EVPL: variants seen among roughly 807,000 people sequenced by gnomAD.
EVPL encodes the protein envoplakin, also known as 210 kDa cornified envelope precursor protein.
EVPL carries 94 observed loss-of-function variants against 129.7 expected under a neutral mutation model. The ratio of observed to expected loss-of-function variants is 0.72; its 90% CI spans 0.61 to 0.86. The LOEUF (loss-of-function observed/expected upper bound fraction) is 0.86, where lower values mean the gene tolerates loss of function less well. Ranked by LOEUF, EVPL falls within the 40% of genes least tolerant of loss-of-function variation. EVPL has a pLI of 0.00. For synonymous variants in EVPL, 1,172 were observed against 1,191.1 expected (o/e 0.98, Z 0.33); for missense variants, 2,625 against 2,721.1 (o/e 0.96, Z 0.79).
In EVPL at chr17:76,015,583, C is replaced by T. The variant is rs777610303; in HGVS notation, c.1756G>A (p.Ala586Thr). Reference sequence around the variant, plus strand: ...AGAAACGCCTCGCACTCCTTCTGGGCTGTCTCCTTCTCCGTTCCCAGGCTC... The same window carrying T: ...AGAAACGCCTCGCACTCCTTCTGGGTTGTCTCCTTCTCCGTTCCCAGGCTC... ...LQSLGTEKET[A>T]QKECEAFLST... Residue 586 changes from alanine to threonine, a missense_variant, in exon 15 of 22, where the codon GCC (alanine) becomes ACC (threonine). Around this residue, in one of 4 missense-constraint regions of EVPL, gnomAD observed 1,024 missense variants for 997.5 expected, o/e 1.03. Coordinates refer to ENST00000301607, the MANE Select transcript of EVPL (RefSeq NM_001988.4). 1.2e-6 allele frequency: 2 copies of T among 1,613,528 alleles called. No individual in the cohort carries two copies. The highest frequency in any genetic ancestry group is 2.2e-5 in the East Asian group (1 of 44,882).
At position 76,023,628 on chromosome 17, in the gene EVPL, C is replaced by T; in HGVS notation, c.225G>A (p.Gln75=). 2 of 1,598,042 alleles carry T rather than the reference C, an allele frequency of 1.3e-6. No homozygotes were observed. The highest frequency in any genetic ancestry group is 1.7e-5 in the Admixed American group (1 of 58,072). Reference sequence around the variant, plus strand: ...CCGTCTCCTGCTGGTGCTGCAGGGCCTGGCTCTGCTCACTGTTCAGCCGGT... The same window carrying T: ...CCGTCTCCTGCTGGTGCTGCAGGGCTTGGCTCTGCTCACTGTTCAGCCGGT... ...QQDRLNSEQS[Q]ALQHQQETGR... The change falls in exon 3 of 22, where the codon CAG becomes CAA. Residue 75 remains glutamine (Q), a synonymous_variant. Coordinates refer to ENST00000301607, the MANE Select transcript of EVPL (RefSeq NM_001988.4).
chr17:76,011,902 C>G lies in EVPL; in HGVS notation c.2458-20G>C, dbSNP rs753179507. 11 of 1,611,380 alleles carry G rather than the reference C, an allele frequency of 6.8e-6. No individual in the cohort carries two copies. In the South Asian group the frequency reaches 8.8e-5, roughly 13 times the overall value. On this transcript the variant is annotated intron_variant, in intron 19 of 21. Transcript: ENST00000301607. Reference sequence around the variant, plus strand: ...ATAGTCCTGAGCAGGGAGGAAAGGACAGCAGGCTGGCAACCAGTGGGGGAG... The same window carrying G: ...ATAGTCCTGAGCAGGGAGGAAAGGAGAGCAGGCTGGCAACCAGTGGGGGAG...
chr17:76,018,809 G>T, intron 11 of EVPL, 105 bp downstream of exon 11: 1 of 1,380,308 alleles, frequency 7.2e-7, no homozygotes, highest in Non-Finnish European at 9.6e-7. Context: ...GCAAAAGTGG[G>T]CGCAGGAGAC....
In EVPL at chr17:76,022,398, T is replaced by G. The variant is rs1177749469; in HGVS notation, c.606+15A>C. The G allele has an allele frequency of 9.9e-6, 16 of 1,613,262 alleles. No homozygotes were observed. The highest frequency in any genetic ancestry group is 1.4e-5 in the Non-Finnish European group (16 of 1,179,836). On this transcript the variant is annotated intron_variant, in intron 5 of 21. Transcript: ENST00000301607. This position sits in a 1 kb window ranked among gnomAD's most constrained non-coding sequence, Gnocchi z 5.6. ...GGGGCTGGCCCCGGATGTGACATCC[T>G]CCAGGCTCACCTACCGGCCCCACGA...
Position 76,022,180 on chromosome 17 carries a change from C to T in EVPL, c.645+9G>A, listed in dbSNP as rs1355182658. On this transcript the variant is annotated intron_variant, in intron 6 of 21. Transcript: ENST00000301607. This position sits in a 1 kb window ranked among gnomAD's most constrained non-coding sequence, Gnocchi z 5.6. ...GCAGCCTCCCTGCCCGACCCTCCCTCCTGCTCACCAGTAGGTCTCGGTATT... is the reference window on the plus strand; with the variant it reads ...GCAGCCTCCCTGCCCGACCCTCCCTTCTGCTCACCAGTAGGTCTCGGTATT... 2 of 1,612,574 alleles carry T rather than the reference C, an allele frequency of 1.2e-6. No individual in the cohort carries two copies. The highest frequency in any genetic ancestry group is 4.5e-5 in the East Asian group (2 of 44,866).
At position 76,022,519 on chromosome 17, in the gene EVPL, T is replaced by G. The variant is rs2066469575; in HGVS notation, c.500A>C (p.Gln167Pro). Residue 167 changes from glutamine (Q) to proline (P), a missense_variant, in exon 5 of 22, where the codon CAG becomes CCG. Physicochemically the swap from Gln to Pro is moderately conservative, Grantham distance 76. Coordinates refer to ENST00000301607, the MANE Select transcript of EVPL (RefSeq NM_001988.4). The surrounding 1 kb of genome is among the most constrained non-coding windows in gnomAD (Gnocchi z 5.6). ...EQKQKQVCAG[Q>P]YGPGMAELEQ... ...CAGCTCCGCCATGCCCGGCCCGTACTGGCCTGCGCAGACCTGCTTCTGCAG... is the reference window on the plus strand; with the variant it reads ...CAGCTCCGCCATGCCCGGCCCGTACGGGCCTGCGCAGACCTGCTTCTGCAG... 6.2e-7 allele frequency: 1 copy of G among 1,608,786 alleles called. No individual in the cohort carries two copies. Among genetic ancestry groups the G allele is most frequent in the East Asian group, 2.2e-5 (1 of 44,766 alleles).
At chr17:76,023,458 G>C in intron 3 of EVPL, 40 bp from the exon 4 acceptor site, 1 of 1,612,320 alleles carries the variant, frequency 6.2e-7, no homozygotes, top group South Asian at 1.1e-5. Flanking sequence ...CTGGACCTGG[G>C]TCTTCCCCAG....
At chr17:76,014,246 T>C (rs931282550) in intron 18 of EVPL, among the ~76,000 whole-genome samples, 180 bp downstream of exon 18, 2 of 152,152 alleles carry the variant, frequency 1.3e-5, no homozygotes, top group African/African-American at 4.8e-5. Flanking sequence ...ACTGCCCCAG[T>C]CGGGCCAGAC....
rs774703461 is a variant in EVPL at position 76,021,671 on chromosome 17, C to T, written c.915+3G>A. 4 of 1,606,992 alleles carry T rather than the reference C, an allele frequency of 2.5e-6. No homozygotes were observed. The highest frequency in any genetic ancestry group is 3.4e-6 in the Non-Finnish European group (4 of 1,178,348). ...TTCTCACTCTCGCCCTGCCCCAGCG[C>T]ACCTGGATGGGCCCCACCGCGGGGT... On this transcript the variant is annotated splice_donor_region_variant and intron_variant, in intron 8 of 21. Transcript: ENST00000301607.
chr17:76,020,425 A>G (rs2665968), intron 9 of EVPL, among the ~76,000 whole-genome samples: 47,376 of 152,058 alleles, frequency 0.31, 9,099 homozygotes, highest in East Asian at 0.7. Context: ...TCTTGCTGGG[A>G]CAGAGGGTAT....
rs750168983 is a variant in EVPL at position 76,014,897 on chromosome 17, C to T, written c.2222+19G>A. Reference sequence around the variant, plus strand: ...CTGCACCAGCCCACACCCTGTGCCCCGAGGACCCAGTCGCTCACCGCAGGT... The same window carrying T: ...CTGCACCAGCCCACACCCTGTGCCCTGAGGACCCAGTCGCTCACCGCAGGT... On this transcript the variant is annotated intron_variant, in intron 17 of 21. Transcript: ENST00000301607. The T allele has an allele frequency of 2.0e-5, 32 of 1,567,076 alleles. 1 individual carries two copies. The highest frequency in any genetic ancestry group is 3.4e-5 in the South Asian group (3 of 87,626).
rs1039473519 is a variant in EVPL, at chr17:76,017,984, C to A, written c.1538-73G>T. ...CCAGATAGGTGCCCCCACCAGGTGC[C>A]CACAGAGGGTCCTGTCGGGGTAGGG... On this transcript the variant is annotated intron_variant, in intron 13 of 21. Coordinates refer to ENST00000301607, the MANE Select transcript of EVPL (RefSeq NM_001988.4). The A allele has an allele frequency of 3.8e-6, 6 of 1,592,066 alleles. No individual in the cohort carries two copies. The Admixed American group carries it at 1.0e-4, about 27-fold the overall frequency.
Position 76,009,838 on chromosome 17 carries a change from G to A in EVPL, c.3367C>T (p.Leu1123=), listed in dbSNP as rs780153438. 1 of 1,613,996 alleles carries A rather than the reference G, an allele frequency of 6.2e-7. No homozygotes were observed. Among genetic ancestry groups the A allele is most frequent in the South Asian group, 1.1e-5 (1 of 91,084 alleles). The change falls in exon 22 of 22, where the codon CTG becomes TTG. Residue 1123 remains leucine, a synonymous_variant. Coordinates refer to ENST00000301607, the MANE Select transcript of EVPL (RefSeq NM_001988.4). This position sits in a 1 kb window ranked among gnomAD's most constrained non-coding sequence, Gnocchi z 5.9. ...TCCACCGAGCTGATAGCCCGCTCCA[G>A]GTCTTCGATGCGAGCCTGTAGCTTG... The part of the protein sequence containing the change: ...VAKLQARIED[L]ERAISSVEPK...
Position 76,022,356 on chromosome 17 carries a change from G to T in EVPL, c.606+57C>A. 6.2e-7 allele frequency: 1 copy of T among 1,610,588 alleles called. No individual in the cohort carries two copies. On this transcript the variant is annotated intron_variant, in intron 5 of 21. Transcript: ENST00000301607. This position sits in a 1 kb window ranked among gnomAD's most constrained non-coding sequence, Gnocchi z 5.6. ...GCCCAGCCGATCTAGCTCCGGCTCT[G>T]ACTGGAGAAACGGGCTGGGGCTGGC...
chr17:76,014,290 G>T, intron 18 of EVPL, 136 bp downstream of exon 18: 1 of 1,235,108 alleles, frequency 8.1e-7, no homozygotes, highest in Non-Finnish European at 1.1e-6. Context: ...GGGCAAAGAG[G>T]AGCATTTCAG....
rs188806335 is a variant in EVPL at position 76,015,082 on chromosome 17, G to A, written c.2056C>T (p.Gln686Ter). 4 of 1,577,708 alleles carry A rather than the reference G, an allele frequency of 2.5e-6. No individual in the cohort carries two copies. Among genetic ancestry groups the A allele is most frequent in the Admixed American group, 3.4e-5 (2 of 59,612 alleles). The change falls in exon 17 of 22, where the codon CAG becomes TAG. Residue 686 changes from glutamine (Q) to a stop codon, truncating the protein, a stop_gained. Transcript: ENST00000301607. LOFTEE classifies it high-confidence loss of function. Reference protein sequence around the residue: ...QRQRRELLEQQTCVLRLHRAL... With the variant: ...QRQRRELLEQ ...CGGTGTAGCCGCAGCACGCAGGTCT[G>A]CTGTTCCAGCAGCTCCCTCCGCTGG...
In EVPL at chr17:76,019,055, C is replaced by A; in HGVS notation, c.1143G>T (p.Glu381Asp). The change falls in exon 11 of 22, where the codon GAG becomes GAT. Residue 381 changes from glutamate (E) to aspartate (D), a missense_variant. Glu to Asp is a conservative substitution (Grantham distance 45, BLOSUM62 2). Transcript: ENST00000301607. ...TCTCGGTGACGGCCAGCCGTTTTTC[C>A]TCTGCCTGCCGGGGGCCCAGGCAGT... ...PTELLQQLEAEEKRLAVTERA... is the reference protein window; with the variant it reads ...PTELLQQLEADEKRLAVTERA... 6.3e-7 allele frequency: 1 copy of A among 1,576,552 alleles called. No individual in the cohort carries two copies. Among genetic ancestry groups the A allele is most frequent in the Non-Finnish European group, 8.6e-7 (1 of 1,168,990 alleles).
At position 76,024,066 on chromosome 17, in the gene EVPL, G is replaced by A; in HGVS notation, c.153C>T (p.Asp51=). 1 of 1,613,960 alleles carries A rather than the reference G, an allele frequency of 6.2e-7. No homozygotes were observed. The highest frequency in any genetic ancestry group is 8.5e-7 in the Non-Finnish European group (1 of 1,179,974). ...LLISRMQANA[D]QVERDILETQ... is the part of the protein sequence containing the mutation. The stretch of plus-strand genomic sequence containing the variant: ...TCTCCAGGATGTCCCGCTCCACCTG[G>A]TCGGCGTTGGCTTGCATGCGGGAGA... Residue 51 remains aspartate, a synonymous_variant, in exon 2 of 22, where the codon GAC becomes GAT. Transcript: ENST00000301607. This position sits in a 1 kb window ranked among gnomAD's most constrained non-coding sequence, Gnocchi z 4.5.
chr17:76,027,126 TG>T lies in EVPL; in HGVS notation c.72del (p.Gly26AlafsTer44). On this transcript the variant is annotated frameshift_variant, in exon 1 of 22. Coordinates refer to ENST00000301607, the MANE Select transcript of EVPL (RefSeq NM_001988.4). LOFTEE classifies it high-confidence loss of function. ...SPKGSPAKGS[P>X]KGSPSRHSRA... ...CGGCTGTGCCTGCTGGGGGAGCCTT[TG>T]GGGGACCCCTTGGCGGGGGAGCCCT... The T allele has an allele frequency of 6.5e-7, 1 of 1,533,152 alleles. No homozygotes were observed. The highest frequency in any genetic ancestry group is 8.7e-7 in the Non-Finnish European group (1 of 1,143,702). 95.0% of individuals were successfully genotyped at this position (1,533,152 alleles called of 1,614,324 possible). A position where few individuals can be genotyped will look rare whatever the true frequency, so the allele number is the denominator to read the frequency against.
Sources: gnomAD v4.1 joint callset for allele counts (sites outside exome capture counted in the v4.1 genomes callset) on GRCh38, gnomAD v4.1.1 for gene constraint, gnomAD v4.1.1 regional missense constraint, Gnocchi (gnomAD v3.1) non-coding constraint, MANE v1.5 for transcripts, NCBI Gene and HGNC (gene_info 2026-07-23, HGNC 2026-07-21) for gene names.